Variants in TNIP3 observed in about 807,000 individuals in gnomAD.
TNIP3 encodes TNFAIP3-interacting protein 3.
In TNIP3, 34 loss-of-function variants were observed where a neutral mutation model predicts 54.1. That is an observed-to-expected ratio of 0.63 (90% confidence interval 0.48 to 0.84). TNIP3 has a LOEUF of 0.84. Ranked by LOEUF, TNIP3 falls within the 40% of genes least tolerant of loss-of-function variation. TNIP3 has a pLI of 0.00. For missense variants in TNIP3, 366 were observed against 387.6 expected, an observed-to-expected ratio of 0.94 and a Z score of 0.47; for synonymous variants, 134 against 136.8, an observed-to-expected ratio of 0.98 and a Z score of 0.14.
chr4:121,195,477 G>T (rs1725529131), intron 2 of TNIP3, among the ~76,000 whole-genome samples: 1 of 152,112 alleles, frequency 6.6e-6, no homozygotes, highest in African/African-American at 2.4e-5. Flanking sequence ...ATAGAGAGTG[G>T]ACCATTTTTT....
intron 10 of TNIP3, chr4:121,137,805 T>A: frequency 2.7e-6 from 1 of 375,878 alleles, no homozygotes. Context: ...TCAGCATTTT[T>A]AGATAGATTC....
chr4:121,149,793 G>A (rs780205031), intron 6 of TNIP3, among the ~76,000 whole-genome samples: 1 of 152,138 alleles, frequency 6.6e-6, no homozygotes, highest in Middle Eastern at 3.4e-3. Context: ...CCATGTCTAC[G>A]TGAAACTCCC....
rs765707157 is a variant in TNIP3 at position 121,132,140 on chromosome 4, G to C, written c.*491C>G. On this transcript the variant is annotated 3_prime_UTR_variant, in exon 11 of 11. Transcript: ENST00000057513. ...AACAATATGTAGTCAAATAGCTAAA[G>C]AACTAAGGCCCTGTGGAAGAAGAAT... 1 of 155,832 alleles carries C rather than the reference G, an allele frequency of 6.4e-6. No individual in the cohort carries two copies. 9.7% of individuals were successfully genotyped at this position (155,832 alleles called of 1,614,324 possible). A position where few individuals can be genotyped will look rare whatever the true frequency, so the allele number is the denominator to read the frequency against.
chr4:121,193,262 C>T (rs1338127430), intron 2 of TNIP3, among the ~76,000 whole-genome samples: 1 of 152,132 alleles, frequency 6.6e-6, no homozygotes, highest in Non-Finnish European at 1.5e-5. Flanking sequence ...TATTCATTCT[C>T]TTCTTCTGTG....
chr4:121,153,638 A>G (rs974481446), intron 5 of TNIP3, among the ~76,000 whole-genome samples: 1 of 152,208 alleles, frequency 6.6e-6, no homozygotes, highest in Admixed American at 6.5e-5. Context: ...CAGATCTACT[A>G]CAGGATCACA....
chr4:121,154,607 T>G lies in TNIP3; in HGVS notation c.436A>C (p.Thr146Pro). 1 of 1,613,848 alleles carries G rather than the reference T, an allele frequency of 6.2e-7. No homozygotes were observed. Among genetic ancestry groups the G allele is most frequent in the Non-Finnish European group, 8.5e-7 (1 of 1,179,970 alleles). Residue 146 changes from threonine to proline, a missense_variant, in exon 5 of 11, where the codon ACT (threonine) becomes CCT (proline). Thr to Pro is a conservative substitution (Grantham distance 38). Coordinates refer to ENST00000057513, the MANE Select transcript of TNIP3 (RefSeq NM_024873.6). Reference protein sequence around the residue: ...EENKLLKGKNTLANKEKEHYE... With the variant: ...EENKLLKGKNPLANKEKEHYE... ...TGTTCCTTTTCCTTGTTCGCAAGAG[T>G]ATTTTTTCCCTTTAAAAGTTTATTC... is the stretch of plus-strand genomic sequence containing the variant.
At chr4:121,215,811 T>C (rs527568938) in intron 2 of TNIP3, among the ~76,000 whole-genome samples, 3 of 151,386 alleles carry the variant, frequency 2.0e-5, no homozygotes, top group East Asian at 1.9e-4. Context: ...AGCTTGAGTA[T>C]AGGGTCTGAA....
At chr4:121,144,710 C>T (rs1729331246) in intron 7 of TNIP3, among the ~76,000 whole-genome samples, 1 of 152,134 alleles carries the variant, frequency 6.6e-6, no homozygotes, top group Admixed American at 6.5e-5. Flanking sequence ...CCTGTTTTTG[C>T]TTTTTTCACT....
At position 121,157,139 on chromosome 4, in the gene TNIP3, G is replaced by T. The variant is rs759921362; in HGVS notation, c.318C>A (p.Asp106Glu). ...RQRKDDRQRE[D>E]DRQRDLTRDR... is the part of the protein sequence containing the mutation. ...CCCGGGTCAGGTCGCGCTGCCTGTC[G>T]TCCTCTCTCTGCCTGTCGTCCTTTC... Residue 106 changes from aspartate (D) to glutamate (E), a missense_variant, in exon 4 of 11, where the codon GAC (aspartate) becomes GAA (glutamate). Transcript: ENST00000057513. The T allele has an allele frequency of 6.2e-7, 1 of 1,609,954 alleles. No individual in the cohort carries two copies. The highest frequency in any genetic ancestry group is 8.5e-7 in the Non-Finnish European group (1 of 1,178,542).
intron 3 of TNIP3, among the ~76,000 whole-genome samples, chr4:121,180,129 G>T (rs548250644): frequency 6.6e-6 from 1 of 152,100 alleles, no homozygotes; most frequent in Non-Finnish European, 1.5e-5. Context: ...GGCTGGGCGC[G>T]GTGGCTCACG....
At chr4:121,199,179 C>A (rs1164151075) in intron 2 of TNIP3, among the ~76,000 whole-genome samples, 2 of 152,034 alleles carry the variant, frequency 1.3e-5, no homozygotes, top group East Asian at 3.9e-4. Context: ...AAACAAAAAA[C>A]AAAACCAGAA....
At chr4:121,209,856 G>A (rs904645218) in intron 2 of TNIP3, among the ~76,000 whole-genome samples, 1 of 152,062 alleles carries the variant, frequency 6.6e-6, no homozygotes, top group African/African-American at 2.4e-5. Flanking sequence ...ACTATTCTAC[G>A]TACTTCTTAT....
chr4:121,176,464 G>T (rs1724346744), intron 3 of TNIP3, among the ~76,000 whole-genome samples: 1 of 151,972 alleles, frequency 6.6e-6, no homozygotes, highest in Non-Finnish European at 1.5e-5. Flanking sequence ...GTTATTGTAT[G>T]AGAAAACCAT....
At chr4:121,201,240 AT>A (rs1367221848) in intron 2 of TNIP3, among the ~76,000 whole-genome samples, 1 of 152,154 alleles carries the variant, frequency 6.6e-6, no homozygotes, top group East Asian at 1.9e-4. Context: ...CTGATGCTTT[AT>A]TTAGTGCTTG....
At chr4:121,134,532 T>C (rs1281321776) in intron 10 of TNIP3, among the ~76,000 whole-genome samples, 1 of 152,236 alleles carries the variant, frequency 6.6e-6, no homozygotes, top group African/African-American at 2.4e-5. Flanking sequence ...AAAACATCAT[T>C]ATTTAATGCT....
At chr4:121,182,468 C>A (rs1037336714) in intron 3 of TNIP3, among the ~76,000 whole-genome samples, 1 of 152,114 alleles carries the variant, frequency 6.6e-6, no homozygotes, top group Non-Finnish European at 1.5e-5. Flanking sequence ...GTGGAAAGTG[C>A]CAGCAAATTC....
At chr4:121,158,615 A>C in intron 3 of TNIP3, 72 bp downstream of exon 3, 1 of 1,205,462 alleles carries the variant, frequency 8.3e-7, no homozygotes. Flanking sequence ...GAAATGAATG[A>C]GACTCTTCAC....
At chr4:121,215,976 A>G (rs1726770536) in intron 2 of TNIP3, among the ~76,000 whole-genome samples, 1 of 152,072 alleles carries the variant, frequency 6.6e-6, no homozygotes, top group Admixed American at 6.6e-5. Context: ...CGCCTAAGTA[A>G]GGGATTTTTT....
upstream of TNIP3, among the ~76,000 whole-genome samples, chr4:121,217,858 T>C (rs886252521): frequency 2.6e-5 from 4 of 152,172 alleles, no homozygotes; most frequent in African/African-American, 9.7e-5. Context: ...ATATGCGAAA[T>C]TACACATGGA....
Sources: gnomAD v4.1 joint callset for allele counts (sites outside exome capture counted in the v4.1 genomes callset) on GRCh38, gnomAD v4.1.1 for gene constraint, MANE v1.5 for transcripts, NCBI Gene and HGNC (gene_info 2026-07-23, HGNC 2026-07-21) for gene names.